Variants in CDK14 observed in about 807,000 individuals in gnomAD.
CDK14 encodes the protein cyclin-dependent kinase 14.
A neutral mutation model predicts 60.7 loss-of-function variants in CDK14; 34 were observed. The observed-to-expected ratio is 0.56, with a 90% CI of 0.43 to 0.75. The LOEUF (loss-of-function observed/expected upper bound fraction) is 0.75. CDK14 is among the 30% of genes least tolerant of loss of function. The probability of loss-of-function intolerance (pLI) is 0.00; values close to 1 mark genes in which losing one functional copy is unlikely to be tolerated. For missense variants in CDK14, 482 were observed against 564.1 expected, an observed-to-expected ratio of 0.85 and a Z score of 1.47; for synonymous variants, 197 against 203.7, an observed-to-expected ratio of 0.97 and a Z score of 0.28.
intron 11 of CDK14, among the ~76,000 whole-genome samples, chr7:91,067,004 A>G (rs191077915): frequency 6.6e-6 from 1 of 152,358 alleles, no homozygotes; most frequent in East Asian, 1.9e-4. Context: ...TAGTTTAAAC[A>G]TAATTGGAAA....
intron 14 of CDK14, among the ~76,000 whole-genome samples, chr7:91,138,002 A>G (rs990490451): frequency 2.0e-5 from 3 of 152,212 alleles, no homozygotes; most frequent in African/African-American, 7.2e-5. Context: ...AACTAAACAG[A>G]TGAAAATAGA....
intron 14 of CDK14, among the ~76,000 whole-genome samples, chr7:91,128,564 TAATA>T (rs1003592935): frequency 2.0e-5 from 3 of 152,272 alleles, no homozygotes; most frequent in South Asian, 2.1e-4. Flanking sequence ...TTTATTAGAT[TAATA>T]AATAAACAAA....
intron 8 of CDK14, among the ~76,000 whole-genome samples, chr7:90,952,107 A>G (rs968383160): frequency 2.6e-5 from 4 of 152,148 alleles, no homozygotes; most frequent in African/African-American, 9.7e-5. Flanking sequence ...ACTATCCTAT[A>G]TCTGAGAAAT....
chr7:91,014,843 T>C (rs1244231027), intron 10 of CDK14, among the ~76,000 whole-genome samples: 1 of 152,188 alleles, frequency 6.6e-6, no homozygotes, highest in African/African-American at 2.4e-5. Context: ...ACCGACCATT[T>C]CTAAAGATGC....
intron 6 of CDK14, among the ~76,000 whole-genome samples, chr7:90,888,317 T>C (rs1054269178): frequency 1.3e-5 from 2 of 152,224 alleles, no homozygotes; most frequent in African/African-American, 4.8e-5. Flanking sequence ...ACCACTGCAC[T>C]CCAACCTGGC....
Position 90,668,699 on chromosome 7 carries a change from C to CTTTTTTTTTTTTTTTTTTTTTT in CDK14, c.124-57862_124-57841dup, listed in dbSNP as rs59773768. Among the ~76,000 whole-genome samples the CTTTTTTTTTTTTTTTTTTTTTT allele has an allele frequency of 4.6e-5, 4 of 87,538 alleles. 1 individual carries two copies. The highest frequency in any genetic ancestry group is 8.7e-5 in the African/African-American group (2 of 23,110). 57.4% of individuals were successfully genotyped at this position (87,538 alleles called of 152,430 possible). On this transcript the variant is annotated intron_variant, in intron 2 of 14. Coordinates refer to ENST00000380050, the MANE Select transcript of CDK14 (RefSeq NM_001287135.2). The stretch of plus-strand genomic sequence containing the variant: ...TATGGTGTAAGGAAGGACTCGCATT[C>CTTTTTTTTTTTTTTTTTTTTTT]TTTTTTTTTTTTTTTTTTTTTTTTT...
chr7:91,067,819 A>G (rs1357977880), intron 11 of CDK14, among the ~76,000 whole-genome samples: 1 of 152,254 alleles, frequency 6.6e-6, no homozygotes, highest in East Asian at 1.9e-4. Flanking sequence ...GGTAATTCTT[A>G]GAACTAATAT....
chr7:90,954,436 A>G (rs1015491253), intron 8 of CDK14, among the ~76,000 whole-genome samples: 1 of 152,100 alleles, frequency 6.6e-6, no homozygotes, highest in Non-Finnish European at 1.5e-5. Flanking sequence ...GAAAGCTGTC[A>G]CACAGGTTTT....
intron 4 of CDK14, among the ~76,000 whole-genome samples, chr7:90,781,797 C>T (rs1805334786): frequency 6.6e-6 from 1 of 151,982 alleles, no homozygotes; most frequent in South Asian, 2.1e-4. Context: ...GGTACCAGTA[C>T]CATGCTGTTT....
At chr7:91,015,969 G>A (rs76246908) in intron 10 of CDK14, among the ~76,000 whole-genome samples, 22,724 of 152,086 alleles carry the variant, frequency 0.15, 1,964 homozygotes, top group Middle Eastern at 0.31. Flanking sequence ...CTCATTTAAA[G>A]TAATGGGAAA....
chr7:90,950,537 G>A (rs1310831417), intron 8 of CDK14, among the ~76,000 whole-genome samples: 1 of 152,138 alleles, frequency 6.6e-6, no homozygotes, highest in Non-Finnish European at 1.5e-5. Context: ...AATCCACTGG[G>A]TTTTGTGATT....
At chr7:90,638,131 T>C (rs1041699504) in intron 2 of CDK14, among the ~76,000 whole-genome samples, 6 of 152,050 alleles carry the variant, frequency 3.9e-5, no homozygotes, top group African/African-American at 1.5e-4. Flanking sequence ...TCCATTTACA[T>C]TTAAAGTTAA....
At chr7:90,974,114 G>C (rs1795003476) in intron 9 of CDK14, among the ~76,000 whole-genome samples, 1 of 152,064 alleles carries the variant, frequency 6.6e-6, no homozygotes, top group African/African-American at 2.4e-5. Context: ...TTCTTTCTGG[G>C]AAAAGAATTC....
chr7:91,072,904 G>C lies in CDK14; in HGVS notation c.1106-6528G>C, dbSNP rs143796960. 8.5e-3 allele frequency among the ~76,000 whole-genome samples: 1,284 copies of C among 151,904 alleles called. 18 individuals are homozygous for C. Among genetic ancestry groups the C allele is most frequent in the African/African-American group, 0.029 (1,221 of 41,434 alleles). Reference sequence around the variant, plus strand: ...TATCAATAGCCAAATTGATCAAGCAGAAGAAAGAATATCAGAGTTGGAAGG... The same window carrying C: ...TATCAATAGCCAAATTGATCAAGCACAAGAAAGAATATCAGAGTTGGAAGG... On this transcript the variant is annotated intron_variant, in intron 11 of 14. Transcript: ENST00000380050.
intron 10 of CDK14, among the ~76,000 whole-genome samples, chr7:91,006,311 A>G (rs1795977538): frequency 6.6e-6 from 1 of 152,206 alleles, no homozygotes; most frequent in African/African-American, 2.4e-5. Context: ...TTAATATTCC[A>G]TTCTGTCTGC....
At chr7:90,841,334 C>T (rs1790283437) in intron 5 of CDK14, among the ~76,000 whole-genome samples, 1 of 151,962 alleles carries the variant, frequency 6.6e-6, no homozygotes, top group South Asian at 2.1e-4. Context: ...AGCTCATCAG[C>T]TGTAAAAAAT....
intron 2 of CDK14, among the ~76,000 whole-genome samples, chr7:90,686,661 A>T (rs1406272360): frequency 6.6e-6 from 1 of 152,178 alleles, no homozygotes; most frequent in Non-Finnish European, 1.5e-5. Context: ...CAACTAAATG[A>T]ATTAACCAGA....
At chr7:91,079,047 A>G (rs1798406840) in intron 11 of CDK14, among the ~76,000 whole-genome samples, 1 of 152,232 alleles carries the variant, frequency 6.6e-6, no homozygotes, top group Admixed American at 6.5e-5. Context: ...GGTCAGAGAA[A>G]TCATCATAGG....
At chr7:91,114,200 A>G (rs773202075) in intron 13 of CDK14, among the ~76,000 whole-genome samples, 4 of 152,150 alleles carry the variant, frequency 2.6e-5, no homozygotes, top group Non-Finnish European at 5.9e-5. Context: ...TGACTTGAAG[A>G]TTGAGTTTAA....
Sources: allele counts gnomAD v4.1 joint callset (sites outside exome capture counted in the v4.1 genomes callset), GRCh38; gene constraint gnomAD v4.1.1; transcripts MANE v1.5; gene names NCBI Gene and HGNC (gene_info 2026-07-23, HGNC 2026-07-21).